The following ROBO2 variants were observed in gnomAD, a reference collection of about 807,000 sequenced individuals.
ROBO2 encodes the protein roundabout guidance receptor 2, also known as roundabout homolog 2.
A neutral mutation model predicts 160.8 loss-of-function variants in ROBO2; 53 were observed. The ratio of observed to expected loss-of-function variants is 0.33; its 90% confidence interval spans 0.26 to 0.41. The LOEUF (loss-of-function observed/expected upper bound fraction) is 0.41, where lower values mean the gene tolerates loss of function less well. Among genes scored for constraint, ROBO2 ranks in the 10% least tolerant of loss-of-function variants. The pLI is 1.00. For synonymous variants in ROBO2, 664 were observed against 611.7 expected (o/e 1.09, Z -1.26); for missense variants, 1,577 against 1,722.4 (o/e 0.92, Z 1.49).
At position 77,064,396 on chromosome 3, in the gene ROBO2, T is replaced by C. The variant is rs553095144; in HGVS notation, c.61+23550T>C. ...TTTTTTTTGAGACAGAGTCTCACTG[T>C]GTTACCCAGGCTGGAGTACAGTGGC... is the stretch of plus-strand genomic sequence containing the variant. On this transcript the variant is annotated intron_variant, in intron 1 of 25. Coordinates refer to ENST00000461745, the Ensembl canonical transcript of ROBO2. Among the ~76,000 whole-genome samples the C allele has an allele frequency of 2.4e-3, 367 of 149,962 alleles. 3 individuals carry two copies. The highest frequency in any genetic ancestry group is 8.4e-3 in the African/African-American group (343 of 40,670).
intron 9 of ROBO2, 73 bp from the exon 11 acceptor site, chr3:77,562,578 C>A: frequency 9.7e-7 from 1 of 1,028,826 alleles, no homozygotes; most frequent in Non-Finnish European, 1.5e-6. Flanking sequence ...TTAAATATTG[C>A]CTGGCTGTCA....
At chr3:76,812,555 T>A (rs1459487030) in intron 2 of ROBO2, among the ~76,000 whole-genome samples, 1 of 151,930 alleles carries the variant, frequency 6.6e-6, no homozygotes, top group Non-Finnish European at 1.5e-5. Context: ...GAATTGGACA[T>A]CTATGGTATT....
chr3:76,706,095 TTTAA>T (rs1369866334), intron 2 of ROBO2, among the ~76,000 whole-genome samples: 1 of 152,174 alleles, frequency 6.6e-6, no homozygotes, highest in Non-Finnish European at 1.5e-5. Flanking sequence ...AGTATTCATA[TTTAA>T]TTATTTTGTC....
rs1255208311 is a variant in ROBO2 at position 77,313,066 on chromosome 3, C to T, written c.389-164348C>T. On this transcript the variant is annotated intron_variant, in intron 2 of 25. Coordinates refer to ENST00000461745, the Ensembl canonical transcript of ROBO2. The stretch of plus-strand genomic sequence containing the variant: ...TATTTCTTATGTGGAAATGGTGTAG[C>T]CTACTCCACTTTCCATCAGATAAAG... Among the ~76,000 whole-genome samples, 5 of 152,118 alleles carry T rather than the reference C, an allele frequency of 3.3e-5. No individual in the cohort carries two copies. In the East Asian group the frequency reaches 7.7e-4, roughly 23 times the overall value.
chr3:76,489,023 T>G (rs1435133070), intron 2 of ROBO2, among the ~76,000 whole-genome samples: 2 of 137,860 alleles, frequency 1.5e-5, no homozygotes, highest in African/African-American at 5.4e-5. Flanking sequence ...AGGTGGAGGT[T>G]GCAGTTAGCC....
rs984381025 is a variant in ROBO2 at position 76,246,405 on chromosome 3, G to A, written c.109+308803G>A. Among the ~76,000 whole-genome samples, 5 of 152,178 alleles carry A rather than the reference G, an allele frequency of 3.3e-5. No individual in the cohort carries two copies. In the East Asian group the frequency reaches 9.7e-4, roughly 29 times the overall value. ...CTGGAATGCAGAAAGGTTAATGGAG[G>A]TTTTGAAAACTAATTAGTAAATAAA... On this transcript the variant is annotated intron_variant, in intron 2 of 26. Coordinates refer to the ROBO2 transcript ENST00000487694.
chr3:76,756,848 T>C (rs923970387), intron 2 of ROBO2, among the ~76,000 whole-genome samples: 1 of 151,928 alleles, frequency 6.6e-6, no homozygotes, highest in African/African-American at 2.4e-5. Flanking sequence ...GGGATTTTTA[T>C]GAAGTTCTTT....
chr3:76,762,056 A>T (rs2061336705), intron 2 of ROBO2, among the ~76,000 whole-genome samples: 1 of 151,508 alleles, frequency 6.6e-6, no homozygotes, highest in South Asian at 2.1e-4. Flanking sequence ...AACCGAGTAG[A>T]GTTCAACCTA....
chr3:77,524,282 A>AATAT (rs10637272), intron 6 of ROBO2, among the ~76,000 whole-genome samples: 71,519 of 148,260 alleles, frequency 0.48, 17,254 homozygotes, highest in Middle Eastern at 0.59. Context: ...ATATGAATTG[A>AATAT]ATATATATAT....
chr3:76,740,674 A>G (rs895256866), intron 2 of ROBO2, among the ~76,000 whole-genome samples: 20 of 152,248 alleles, frequency 1.3e-4, no homozygotes, highest in Non-Finnish European at 2.4e-4. Context: ...TAACTTTTAT[A>G]GGAAAATCTT....
chr3:76,304,802 T>C (rs941461957), intron 2 of ROBO2, among the ~76,000 whole-genome samples: 3 of 143,490 alleles, frequency 2.1e-5, no homozygotes, highest in African/African-American at 7.9e-5. Context: ...TTCTTTCTCT[T>C]TCTTTTTTTT....
intron 24 of ROBO2, 54 bp downstream of exon 25, chr3:77,635,097 A>T: frequency 6.4e-7 from 1 of 1,573,484 alleles, no homozygotes. Flanking sequence ...TGCTCCATGC[A>T]ATCATTTACT....
chr3:76,958,966 G>A (rs1399150329), intron 2 of ROBO2, among the ~76,000 whole-genome samples: 1 of 152,110 alleles, frequency 6.6e-6, no homozygotes, highest in East Asian at 1.9e-4. Flanking sequence ...AGATTTTACA[G>A]TTATCTCCAT....
At chr3:77,473,420 G>T (rs2083575246) in intron 2 of ROBO2, among the ~76,000 whole-genome samples, 3 of 136,660 alleles carry the variant, frequency 2.2e-5, no homozygotes, top group Non-Finnish European at 3.1e-5. Flanking sequence ...TATGTCTGCA[G>T]TTCGATTTTA....
chr3:77,638,943 C>A (rs2153720984), intron 24 of ROBO2, among the ~76,000 whole-genome samples: 1 of 150,230 alleles, frequency 6.7e-6, no homozygotes, highest in African/African-American at 2.4e-5. Context: ...TCTCCTGCCT[C>A]AGTCTCCCAA....
intron 2 of ROBO2, among the ~76,000 whole-genome samples, chr3:76,700,910 A>G (rs2093033512): frequency 6.6e-6 from 1 of 152,110 alleles, no homozygotes; most frequent in Non-Finnish European, 1.5e-5. Context: ...ATTAAATACC[A>G]CTGTGTTGGA....
chr3:76,523,721 T>G (rs2081769449), intron 2 of ROBO2, among the ~76,000 whole-genome samples: 1 of 152,100 alleles, frequency 6.6e-6, no homozygotes, highest in African/African-American at 2.4e-5. Flanking sequence ...GGAAGAAGGC[T>G]CCTACTGAAT....
intron 2 of ROBO2, among the ~76,000 whole-genome samples, chr3:76,696,382 T>TC (rs11441690): frequency 0.41 from 31,331 of 77,102 alleles, 5,327 homozygotes; most frequent in African/African-American, 0.6. Context: ...AATGGATCTC[T>TC]TTTTTTTTTT....
Position 76,941,069 on chromosome 3 carries a change from A to AAAGT in ROBO2, c.110-156944_110-156941dup, listed in dbSNP as rs372260827. Among the ~76,000 whole-genome samples, 1,009 of 152,234 alleles carry AAAGT rather than the reference A, an allele frequency of 6.6e-3. 10 individuals are homozygous for AAAGT. Among genetic ancestry groups the AAAGT allele is most frequent in the African/African-American group, 0.023 (945 of 41,550 alleles). On this transcript the variant is annotated intron_variant, in intron 2 of 26. Transcript: ENST00000487694. ...GATAACTTCACCCATTCTTTCCCCCAAAGTCTAAAGCTTAGGAGTTATCTT... is the reference window on the plus strand; with the variant it reads ...GATAACTTCACCCATTCTTTCCCCCAAAGTAAGTCTAAAGCTTAGGAGTTATCTT...
Sources: gnomAD v4.1 joint callset for allele counts (sites outside exome capture counted in the v4.1 genomes callset) on GRCh38, gnomAD v4.1.1 for gene constraint, MANE v1.5 for transcripts, NCBI Gene and HGNC (gene_info 2026-07-23, HGNC 2026-07-21) for gene names.